The following LHFPL3 variants were observed in gnomAD, a reference collection of about 807,000 sequenced individuals.
LHFPL3 encodes LHFPL tetraspan subfamily member 3.
In LHFPL3, 5 loss-of-function variants were observed where a neutral mutation model predicts 19.3. The observed-to-expected ratio is 0.26, with a 90% CI of 0.14 to 0.54. The LOEUF is 0.54. Among genes scored for constraint, LHFPL3 ranks in the 20% least tolerant of loss-of-function variants. LHFPL3 has a pLI of 0.94. For synonymous variants in LHFPL3, 133 were observed against 126.2 expected (o/e 1.05, Z -0.36); for missense variants, 249 against 307.4 (o/e 0.81, Z 1.42).
chr7:104,847,023 G>GTAAC, intron 2 of LHFPL3, among the ~76,000 whole-genome samples: 1 of 150,516 alleles, frequency 6.6e-6, no homozygotes, highest in South Asian at 2.1e-4. Context: ...GTGAATTTCT[G>GTAAC]TAACTAACTG....
intron 2 of LHFPL3, among the ~76,000 whole-genome samples, chr7:104,779,451 A>C (rs1794684130): frequency 6.6e-6 from 1 of 152,240 alleles, no homozygotes; most frequent in Non-Finnish European, 1.5e-5. Flanking sequence ...TCCACTTGGG[A>C]ATCAAGACAA....
intron 2 of LHFPL3, among the ~76,000 whole-genome samples, chr7:104,820,154 A>T (rs1790650006): frequency 6.6e-6 from 1 of 152,186 alleles, no homozygotes; most frequent in African/African-American, 2.4e-5. Flanking sequence ...ATCCACGTGC[A>T]TTCACAGACC....
intron 1 of LHFPL3, among the ~76,000 whole-genome samples, chr7:104,400,145 A>G (rs993446127): frequency 1.8e-5 from 2 of 111,998 alleles, no homozygotes; most frequent in Non-Finnish European, 3.6e-5. Context: ...AAAAAAAAAA[A>G]AAGACTCTAC....
rs201386633 is a variant in LHFPL3, at chr7:104,360,543, CTATG to C, written c.445+31321_445+31324del. Among the ~76,000 whole-genome samples, 932 of 152,280 alleles carry C rather than the reference CTATG, an allele frequency of 6.1e-3. 14 individuals carry two copies. Among genetic ancestry groups the C allele is most frequent in the African/African-American group, 0.021 (883 of 41,552 alleles). On this transcript the variant is annotated intron_variant, in intron 1 of 2. Transcript: ENST00000424859. ...CTGGACTTGAAGAGGAGCCCCAATTCTATGTCTGCCTTATAGCAGGTGAGCCAGC... is the reference window on the plus strand; with the variant it reads ...CTGGACTTGAAGAGGAGCCCCAATTCTCTGCCTTATAGCAGGTGAGCCAGC...
At chr7:104,886,349 T>A (rs2116696662) in intron 2 of LHFPL3, among the ~76,000 whole-genome samples, 1 of 152,158 alleles carries the variant, frequency 6.6e-6, no homozygotes, top group East Asian at 1.9e-4. Context: ...TATTAGGAGT[T>A]TTTCGTTGGT....
At chr7:104,473,162 G>T (rs1450872501) in intron 1 of LHFPL3, among the ~76,000 whole-genome samples, 3 of 152,150 alleles carry the variant, frequency 2.0e-5, no homozygotes, top group Non-Finnish European at 4.4e-5. Flanking sequence ...CCAACATACT[G>T]TCAATGGTGA....
intron 1 of LHFPL3, among the ~76,000 whole-genome samples, chr7:104,372,270 G>T (rs1380715510): frequency 6.6e-6 from 1 of 152,182 alleles, no homozygotes; most frequent in African/African-American, 2.4e-5. Flanking sequence ...TTAGGCTCTT[G>T]TCCTTTTCCA....
intron 1 of LHFPL3, among the ~76,000 whole-genome samples, chr7:104,433,453 C>A (rs1342974947): frequency 2.6e-5 from 4 of 152,178 alleles, no homozygotes; most frequent in Non-Finnish European, 4.4e-5. Context: ...CAGCTAAAAT[C>A]ACTGTAATGC....
chr7:104,879,630 TAGG>T (rs1792010779), intron 2 of LHFPL3, among the ~76,000 whole-genome samples: 1 of 152,106 alleles, frequency 6.6e-6, no homozygotes, highest in African/African-American at 2.4e-5. Context: ...GAGGCTGAGG[TAGG>T]AGGATTACTT....
At chr7:104,695,030 A>C (rs1792973092) in intron 1 of LHFPL3, among the ~76,000 whole-genome samples, 1 of 152,244 alleles carries the variant, frequency 6.6e-6, no homozygotes, top group Admixed American at 6.5e-5. Flanking sequence ...AGGCAGACTT[A>C]ACAGCTTATC....
At chr7:104,575,053 A>G (rs1304663787) in intron 1 of LHFPL3, among the ~76,000 whole-genome samples, 1 of 151,984 alleles carries the variant, frequency 6.6e-6, no homozygotes, top group Non-Finnish European at 1.5e-5. Flanking sequence ...TAATGGATGT[A>G]ATAAATGACT....
intron 1 of LHFPL3, among the ~76,000 whole-genome samples, chr7:104,478,803 G>A (rs182503446): frequency 1.8e-4 from 28 of 152,292 alleles, no homozygotes; most frequent in African/African-American, 6.5e-4. Context: ...CTTATCTAAA[G>A]CACAAATAAA....
At chr7:104,604,323 C>G (rs1202064729) in intron 1 of LHFPL3, among the ~76,000 whole-genome samples, 1 of 152,192 alleles carries the variant, frequency 6.6e-6, no homozygotes, top group Non-Finnish European at 1.5e-5. Flanking sequence ...CAGCTCTGAG[C>G]AGCAAAACCA....
chr7:104,543,796 A>G (rs1794531807), intron 1 of LHFPL3, among the ~76,000 whole-genome samples: 1 of 149,332 alleles, frequency 6.7e-6, no homozygotes, highest in Non-Finnish European at 1.5e-5. Context: ...GGATAGCATT[A>G]GGAGATATAC....
intron 1 of LHFPL3, among the ~76,000 whole-genome samples, chr7:104,394,201 C>A (rs1049189368): frequency 1.3e-5 from 2 of 152,158 alleles, no homozygotes; most frequent in Admixed American, 1.3e-4. Flanking sequence ...TACTGTACAT[C>A]AGATCACTTG....
At chr7:104,865,614 G>T (rs372598370) in intron 2 of LHFPL3, among the ~76,000 whole-genome samples, 1 of 152,344 alleles carries the variant, frequency 6.6e-6, no homozygotes, top group East Asian at 1.9e-4. Context: ...GTACCTAAAA[G>T]TAATGGGGAG....
intron 1 of LHFPL3, among the ~76,000 whole-genome samples, chr7:104,614,684 T>TTCCTTCCTTCCTTCCTTCCTTCC (rs1562950473): frequency 7.9e-4 from 33 of 41,928 alleles, no homozygotes; most frequent in African/African-American, 2.0e-3. Flanking sequence ...TCCTTCCTTC[T>TTCCTTCCTTCCTTCCTTCCTTCC]TTCTTTCTTT....
intron 1 of LHFPL3, among the ~76,000 whole-genome samples, chr7:104,605,120 A>G (rs1791067848): frequency 6.6e-6 from 1 of 152,206 alleles, no homozygotes; most frequent in Non-Finnish European, 1.5e-5. Context: ...AGGTTTATGT[A>G]GTCTAAACAC....
At chr7:104,670,238 G>T (rs1792450202) in intron 1 of LHFPL3, among the ~76,000 whole-genome samples, 2 of 151,750 alleles carry the variant, frequency 1.3e-5, no homozygotes, top group South Asian at 4.2e-4. Context: ...GGAAAATCGT[G>T]GTTTGAAAGG....
Sources: gnomAD v4.1 joint callset for allele counts (sites outside exome capture counted in the v4.1 genomes callset) on GRCh38, gnomAD v4.1.1 for gene constraint, MANE v1.5 for transcripts, NCBI Gene and HGNC (gene_info 2026-07-23, HGNC 2026-07-21) for gene names.